Variants in OSBPL8 observed in about 807,000 individuals in gnomAD.
The protein encoded by OSBPL8 is oxysterol-binding protein-related protein 8.
OSBPL8 carries 59 observed loss-of-function variants against 125.5 expected under a neutral mutation model. The observed-to-expected ratio is 0.47, with a 90% CI of 0.38 to 0.58. The LOEUF (loss-of-function observed/expected upper bound fraction) is 0.58, where lower values mean the gene tolerates loss of function less well. OSBPL8 is among the 20% of genes least tolerant of loss of function. OSBPL8 has a pLI of 0.00. For missense variants in OSBPL8, 758 were observed against 1,047.8 expected (o/e 0.72, Z 3.82); for synonymous variants, 330 against 338.9 (o/e 0.97, Z 0.29).
chr12:76,369,802 C>T lies in OSBPL8; in HGVS notation c.2075G>A (p.Arg692Gln), dbSNP rs571718491. 1.9e-5 allele frequency: 30 copies of T among 1,612,704 alleles called. No homozygotes were observed. The highest frequency in any genetic ancestry group is 6.7e-5 in the African/African-American group (5 of 74,888). Residue 692 changes from arginine to glutamine, a missense_variant, in exon 20 of 24, where the codon CGA becomes CAA. Transcript: ENST00000261183. ...AGTTTGGTCTTTGGCATTTATGGCT[C>T]GAGTTACCCGTTGCCAGAGTCTAAT... The part of the protein sequence containing the change: ...ESEKLWQRVT[R>Q]AINAKDQTEA...
At chr12:76,375,527 T>C (rs1288051234) in intron 16 of OSBPL8, among the ~76,000 whole-genome samples, 157 bp from the exon 17 acceptor site, 1 of 152,194 alleles carries the variant, frequency 6.6e-6, no homozygotes, top group Admixed American at 6.6e-5. Flanking sequence ...TACAGTTGGT[T>C]CTGTAGGATA....
Position 76,390,476 on chromosome 12 carries a change from C to A in OSBPL8, c.1111G>T (p.Val371Phe). 6.2e-7 allele frequency: 1 copy of A among 1,613,916 alleles called. No homozygotes were observed. Among genetic ancestry groups the A allele is most frequent in the East Asian group, 2.2e-5 (1 of 44,836 alleles). ...QDDSYIEPEP[V>F]EPLKETTYTE... Reference sequence around the variant, plus strand: ...TAGGTAGTCTCCTTTAAAGGCTCAACAGGCTCAGGTTCGATATATGAGTCA... The same window carrying A: ...TAGGTAGTCTCCTTTAAAGGCTCAAAAGGCTCAGGTTCGATATATGAGTCA... The change falls in exon 11 of 24, where the codon GTT becomes TTT. Residue 371 changes from valine to phenylalanine, a missense_variant. By Grantham distance (50) the Val-to-Phe change is conservative. This residue lies in a region of OSBPL8 where 572 missense variants were observed against 762.0 expected (regional missense o/e 0.75). Coordinates refer to ENST00000261183, the MANE Select transcript of OSBPL8 (RefSeq NM_020841.5).
At chr12:76,473,649 T>C (rs935138618) in intron 2 of OSBPL8, among the ~76,000 whole-genome samples, 3 of 152,238 alleles carry the variant, frequency 2.0e-5, no homozygotes, top group African/African-American at 7.2e-5. Flanking sequence ...AATTTTGCCA[T>C]GCTGATATTC....
chr12:76,526,509 T>C (rs1950176200), intron 1 of OSBPL8, among the ~76,000 whole-genome samples: 2 of 151,976 alleles, frequency 1.3e-5, no homozygotes, highest in Admixed American at 6.6e-5. Context: ...TTGATTAGCC[T>C]CAACTAATAA....
chr12:76,458,401 A>T (rs1325877259), intron 3 of OSBPL8, among the ~76,000 whole-genome samples: 1 of 152,128 alleles, frequency 6.6e-6, no homozygotes, highest in Admixed American at 6.5e-5. Flanking sequence ...TTTAAGAATG[A>T]AAAAAGGGCT....
At position 76,473,079 on chromosome 12, in the gene OSBPL8, T is replaced by C. The variant is rs561938448; in HGVS notation, c.43-13184A>G. Among the ~76,000 whole-genome samples the C allele has an allele frequency of 5.9e-5, 9 of 152,330 alleles. No individual in the cohort carries two copies. The East Asian group carries it at 1.7e-3, about 29-fold the overall frequency. On this transcript the variant is annotated intron_variant, in intron 2 of 23. Coordinates refer to ENST00000261183, the MANE Select transcript of OSBPL8 (RefSeq NM_020841.5). ...AGACCAAGGAGCCCTCTGGTGGCCCTGTCCGGGCATAACAGAAGGCTCACA... is the reference window on the plus strand; with the variant it reads ...AGACCAAGGAGCCCTCTGGTGGCCCCGTCCGGGCATAACAGAAGGCTCACA...
intron 19 of OSBPL8, among the ~76,000 whole-genome samples, chr12:76,370,947 C>T (rs983495448): frequency 6.6e-6 from 1 of 152,154 alleles, no homozygotes; most frequent in African/African-American, 2.4e-5. Flanking sequence ...TATAAGCCAT[C>T]TAGCAAGAAG....
intron 21 of OSBPL8, among the ~76,000 whole-genome samples, chr12:76,363,652 G>A (rs989158195): frequency 6.6e-6 from 1 of 152,134 alleles, no homozygotes; most frequent in African/African-American, 2.4e-5. Flanking sequence ...AGCCAAAATT[G>A]ACAAATGGGA....
At chr12:76,388,529 G>C (rs559142747) in intron 12 of OSBPL8, among the ~76,000 whole-genome samples, 2 of 152,134 alleles carry the variant, frequency 1.3e-5, no homozygotes, top group African/African-American at 4.8e-5. Context: ...TTTCTAGACC[G>C]ACAAAAGTGC....
intron 4 of OSBPL8, among the ~76,000 whole-genome samples, chr12:76,433,737 G>A (rs1404337669): frequency 6.6e-6 from 1 of 152,024 alleles, no homozygotes; most frequent in African/African-American, 2.4e-5. Flanking sequence ...CACTTTGGGA[G>A]GCCAAGGCAG....
chr12:76,418,595 C>G (rs544263435), intron 4 of OSBPL8, among the ~76,000 whole-genome samples: 2 of 152,234 alleles, frequency 1.3e-5, no homozygotes, highest in East Asian at 3.9e-4. Context: ...CTTCGGGAGG[C>G]TGAAGTGGGC....
At chr12:76,479,303 A>C (rs1489817942) in intron 2 of OSBPL8, among the ~76,000 whole-genome samples, 1 of 152,228 alleles carries the variant, frequency 6.6e-6, no homozygotes, top group Non-Finnish European at 1.5e-5. Context: ...GTATCAAAAC[A>C]TCCCATATAT....
chr12:76,531,317 T>G (rs1447744875), intron 1 of OSBPL8, among the ~76,000 whole-genome samples: 1 of 152,200 alleles, frequency 6.6e-6, no homozygotes, highest in African/African-American at 2.4e-5. Flanking sequence ...ACCATTCTCC[T>G]TTTCTTAGTT....
chr12:76,558,062 T>C (rs1951162207), intron 1 of OSBPL8, among the ~76,000 whole-genome samples: 1 of 152,232 alleles, frequency 6.6e-6, no homozygotes, highest in Admixed American at 6.5e-5. Context: ...AGCTTAAGTT[T>C]CATCTATTTC....
At chr12:76,397,950 A>T (rs1953883640) in intron 7 of OSBPL8, 53 bp from the exon 8 acceptor site, 1 of 1,478,196 alleles carries the variant, frequency 6.8e-7, no homozygotes, top group African/African-American at 1.4e-5. Flanking sequence ...CCAAGGTCCA[A>T]ACGAAAATAC....
chr12:76,526,502 A>G (rs1950175937), intron 1 of OSBPL8, among the ~76,000 whole-genome samples: 1 of 151,902 alleles, frequency 6.6e-6, no homozygotes, highest in African/African-American at 2.4e-5. Flanking sequence ...TTTAACTTTG[A>G]TTAGCCTCAA....
At chr12:76,485,532 A>C (rs914489680) in intron 2 of OSBPL8, among the ~76,000 whole-genome samples, 2 of 152,188 alleles carry the variant, frequency 1.3e-5, no homozygotes, top group African/African-American at 4.8e-5. Flanking sequence ...AGATCACGCC[A>C]CCGCACTCCA....
At chr12:76,382,766 C>T (rs546941412) in intron 15 of OSBPL8, among the ~76,000 whole-genome samples, 1 of 152,184 alleles carries the variant, frequency 6.6e-6, no homozygotes, top group Non-Finnish European at 1.5e-5. Flanking sequence ...GCCTGTAATC[C>T]CAGGTACTTG....
At chr12:76,547,793 A>C (rs1466581883) in intron 1 of OSBPL8, among the ~76,000 whole-genome samples, 8 of 152,216 alleles carry the variant, frequency 5.3e-5, no homozygotes, top group Non-Finnish European at 8.8e-5. Flanking sequence ...AATTCTAAAC[A>C]GTTTCATTCA....
Sources: gnomAD v4.1 joint callset for allele counts (sites outside exome capture counted in the v4.1 genomes callset) on GRCh38, gnomAD v4.1.1 for gene constraint, gnomAD v4.1.1 regional missense constraint, MANE v1.5 for transcripts, NCBI Gene and HGNC (gene_info 2026-07-23, HGNC 2026-07-21) for gene names.